Variants in ST8SIA6 observed in about 807,000 individuals in gnomAD.
ST8SIA6 encodes alpha-2,8-sialyltransferase 8F.
A neutral mutation model predicts 33.6 loss-of-function variants in ST8SIA6; 39 were observed. The observed-to-expected ratio is 1.16, with a 90% confidence interval of 0.90 to 1.52. The LOEUF (loss-of-function observed/expected upper bound fraction) is 1.52. Ranked by LOEUF, ST8SIA6 falls within the 40% of genes most tolerant of loss-of-function variation. The pLI is 0.00. For synonymous variants in ST8SIA6, 172 were observed against 167.2 expected, an observed-to-expected ratio of 1.03 and a Z score of -0.22; for missense variants, 441 against 443.8, an observed-to-expected ratio of 0.99 and a Z score of 0.06.
chr10:17,357,927 G>A (rs1194933524), intron 4 of ST8SIA6, among the ~76,000 whole-genome samples: 1 of 152,076 alleles, frequency 6.6e-6, no homozygotes, highest in Non-Finnish European at 1.5e-5. Flanking sequence ...ATCAGACTCT[G>A]TTATCACTTG....
rs1847835486 is a variant in ST8SIA6, at chr10:17,318,211, G to C, written c.*2667C>G. On this transcript the variant is annotated 3_prime_UTR_variant, in exon 8 of 8. Coordinates refer to ENST00000377602, the MANE Select transcript of ST8SIA6 (RefSeq NM_001004470.3). The stretch of plus-strand genomic sequence containing the variant: ...TATGAGCTAGAATCCTAACTAAAGG[G>C]CTACTTTTTTTTTTTCTTTTTTGAG... 6.6e-6 allele frequency among the ~76,000 whole-genome samples: 1 copy of C among 150,724 alleles called. No homozygotes were observed. The highest frequency in any genetic ancestry group is 2.1e-4 in the South Asian group (1 of 4,794).
At chr10:17,364,210 T>TAAA (rs1178194313) in intron 3 of ST8SIA6, among the ~76,000 whole-genome samples, 3 of 152,254 alleles carry the variant, frequency 2.0e-5, no homozygotes, top group Admixed American at 6.5e-5. Context: ...TTGTAGAATA[T>TAAA]GGATAGTCTT....
At chr10:17,324,705 G>A (rs1471943139) in intron 6 of ST8SIA6, among the ~76,000 whole-genome samples, 1 of 79,336 alleles carries the variant, frequency 1.3e-5, no homozygotes, top group African/African-American at 5.3e-5. Flanking sequence ...TGAATATAGA[G>A]TATACACACA....
intron 2 of ST8SIA6, among the ~76,000 whole-genome samples, chr10:17,423,220 A>G (rs1263237061): frequency 6.6e-6 from 1 of 152,224 alleles, no homozygotes; most frequent in Non-Finnish European, 1.5e-5. Flanking sequence ...ACTAAAACAA[A>G]TAAGTGGAAG....
At chr10:17,391,043 A>G (rs1850584748) in intron 2 of ST8SIA6, among the ~76,000 whole-genome samples, 1 of 151,452 alleles carries the variant, frequency 6.6e-6, no homozygotes, top group African/African-American at 2.4e-5. Flanking sequence ...TTTTTAGTAG[A>G]GACGGGGTTT....
At chr10:17,398,247 A>G (rs1023447441) in intron 2 of ST8SIA6, among the ~76,000 whole-genome samples, 2 of 152,142 alleles carry the variant, frequency 1.3e-5, no homozygotes, top group African/African-American at 4.8e-5. Context: ...GAATCACCTG[A>G]ACCCGGGAGG....
intron 2 of ST8SIA6, among the ~76,000 whole-genome samples, chr10:17,404,829 A>T (rs1851193410): frequency 6.6e-6 from 1 of 152,328 alleles, no homozygotes; most frequent in South Asian, 2.1e-4. Context: ...AGTCCTGAAT[A>T]AATTCTGCCA....
chr10:17,348,917 C>T (rs1035451139), intron 4 of ST8SIA6, among the ~76,000 whole-genome samples: 1 of 146,134 alleles, frequency 6.8e-6, no homozygotes, highest in African/African-American at 2.5e-5. Context: ...CGGGGCGGGG[C>T]GGGAAGCGTA....
At chr10:17,328,568 G>A (rs1466224983) in intron 5 of ST8SIA6, among the ~76,000 whole-genome samples, 1 of 152,138 alleles carries the variant, frequency 6.6e-6, no homozygotes, top group Non-Finnish European at 1.5e-5. Flanking sequence ...TACCGATTTT[G>A]TCTGTAGGAT....
chr10:17,439,746 C>T (rs979053995), intron 2 of ST8SIA6, among the ~76,000 whole-genome samples: 3 of 152,186 alleles, frequency 2.0e-5, no homozygotes, highest in Admixed American at 6.5e-5. Flanking sequence ...CCACTTCCCA[C>T]GTGTCAATTT....
rs1025256981 is a variant in ST8SIA6, at chr10:17,453,588, C to T, written c.171G>A (p.Pro57=). 2.3e-6 allele frequency: 3 copies of T among 1,329,130 alleles called. No homozygotes were observed. The highest frequency in any genetic ancestry group is 2.9e-6 in the Non-Finnish European group (3 of 1,032,062). 82.3% of individuals were successfully genotyped at this position (1,329,130 alleles called of 1,614,324 possible). A position where few individuals can be genotyped will look rare whatever the true frequency, so the allele number is the denominator to read the frequency against. ...TAGTGGCGCGCGGTACCGCGGTCGC[C>T]GGGCTCCGGAGCGTCCTCAGCGCTG... is the stretch of plus-strand genomic sequence containing the variant. ...TPAALRTLRS[P]ATAVPRATNS... Residue 57 remains proline, a synonymous_variant, in exon 2 of 8, where the codon CCG becomes CCA. Transcript: ENST00000377602.
chr10:17,382,532 C>T (rs557884371), intron 3 of ST8SIA6, among the ~76,000 whole-genome samples: 2 of 152,202 alleles, frequency 1.3e-5, no homozygotes, highest in Non-Finnish European at 2.9e-5. Context: ...TCCCAAAGTG[C>T]TGGGATTACA....
chr10:17,339,934 G>A (rs1410902631), intron 4 of ST8SIA6, among the ~76,000 whole-genome samples: 3 of 152,166 alleles, frequency 2.0e-5, no homozygotes, highest in Admixed American at 1.3e-4. Context: ...ATCAAGCATT[G>A]TCTCTGCCTT....
intron 2 of ST8SIA6, among the ~76,000 whole-genome samples, chr10:17,424,005 C>T (rs1005869844): frequency 6.6e-6 from 1 of 152,170 alleles, no homozygotes; most frequent in Non-Finnish European, 1.5e-5. Context: ...TGGTCATGCT[C>T]ACACTTTCTA....
intron 2 of ST8SIA6, among the ~76,000 whole-genome samples, chr10:17,423,300 G>A (rs1454342852): frequency 3.3e-5 from 5 of 152,070 alleles, no homozygotes; most frequent in African/African-American, 1.2e-4. Flanking sequence ...ATTTCCTTGG[G>A]GGAAACTTCT....
chr10:17,420,587 A>C (rs1166995475), intron 2 of ST8SIA6, among the ~76,000 whole-genome samples: 1 of 152,146 alleles, frequency 6.6e-6, no homozygotes, highest in Admixed American at 6.5e-5. Flanking sequence ...GCACCATGAG[A>C]TAGTTGATAA....
At chr10:17,415,797 A>G (rs181735745) in intron 2 of ST8SIA6, among the ~76,000 whole-genome samples, 4,638 of 136,406 alleles carry the variant, frequency 0.034, 80 homozygotes, top group South Asian at 0.059. Flanking sequence ...TGGACGCCTC[A>G]CTTGTCTTTT....
intron 2 of ST8SIA6, chr10:17,413,254 C>T (rs1273221872): frequency 6.6e-6 from 1 of 150,736 alleles, no homozygotes; most frequent in African/African-American, 2.4e-5. Context: ...TACTTATTAT[C>T]TTTTCTTCTC....
intron 5 of ST8SIA6, among the ~76,000 whole-genome samples, chr10:17,329,522 C>T (rs1848232385): frequency 6.6e-6 from 1 of 152,130 alleles, no homozygotes; most frequent in African/African-American, 2.4e-5. Flanking sequence ...TGTCACTGAA[C>T]TTCTAGCTCA....
Sources: allele counts gnomAD v4.1 joint callset (sites outside exome capture counted in the v4.1 genomes callset), GRCh38; gene constraint gnomAD v4.1.1; transcripts MANE v1.5; gene names NCBI Gene and HGNC (gene_info 2026-07-23, HGNC 2026-07-21).